The following CTNNA3 variants were observed in gnomAD, a reference collection of about 807,000 sequenced individuals.
CTNNA3 encodes catenin alpha 3.
Under a neutral mutation model 95.7 loss-of-function variants are expected in CTNNA3, and 76 were observed. The observed-to-expected ratio is 0.79, with a 90% CI of 0.66 to 0.96. CTNNA3 has a LOEUF of 0.96. Among genes scored for constraint, CTNNA3 ranks in the 40% least tolerant of loss-of-function variants. CTNNA3 has a pLI of 0.00. For missense variants in CTNNA3, 1,191 were observed against 1,089.8 expected (o/e 1.09, Z -1.31); for synonymous variants, 431 against 374.4 (o/e 1.15, Z -1.74).
chr10:67,553,942 G>C (rs779763514), intron 3 of CTNNA3, among the ~76,000 whole-genome samples: 5 of 152,006 alleles, frequency 3.3e-5, no homozygotes, highest in African/African-American at 1.2e-4. Flanking sequence ...CCAGTGTGTG[G>C]TGTTCCCCAC....
In CTNNA3 at chr10:67,178,579, A is replaced by C. The variant is rs560260000; in HGVS notation, c.1047+1738T>G. Among the ~76,000 whole-genome samples, 72 of 152,212 alleles carry C rather than the reference A, an allele frequency of 4.7e-4. 1 individual carries two copies. In the South Asian group the frequency reaches 0.015, roughly 31 times the overall value. ...TTAGGCCCCACAAATTACGTGGCCA[A>C]CCTTACCTATGTATGTGGGTAAGTG... On this transcript the variant is annotated intron_variant, in intron 7 of 17. Coordinates refer to ENST00000433211, the MANE Select transcript of CTNNA3 (RefSeq NM_013266.4).
chr10:66,921,958 G>A (rs1013598709), intron 7 of CTNNA3, among the ~76,000 whole-genome samples: 1 of 152,062 alleles, frequency 6.6e-6, no homozygotes, highest in African/African-American at 2.4e-5. Flanking sequence ...CAACTGTTAA[G>A]ATATCAGTCC....
At chr10:67,239,551 T>A (rs1204997934) in intron 5 of CTNNA3, among the ~76,000 whole-genome samples, 1 of 152,168 alleles carries the variant, frequency 6.6e-6, no homozygotes, top group Non-Finnish European at 1.5e-5. Flanking sequence ...CTATTTCTTG[T>A]CCTGGGTGCT....
At chr10:67,230,071 A>G (rs1005366093) in intron 5 of CTNNA3, among the ~76,000 whole-genome samples, 3 of 152,232 alleles carry the variant, frequency 2.0e-5, no homozygotes, top group Non-Finnish European at 4.4e-5. Flanking sequence ...ATTTCAAACT[A>G]TACTATAAGG....
intron 15 of CTNNA3, among the ~76,000 whole-genome samples, chr10:66,019,128 T>C (rs1194919416): frequency 1.3e-5 from 2 of 152,132 alleles, no homozygotes; most frequent in African/African-American, 2.4e-5. Context: ...TGCAGAGAAA[T>C]TGTGTCATAA....
chr10:67,568,157 T>G (rs1171948707), intron 3 of CTNNA3, among the ~76,000 whole-genome samples: 1 of 152,040 alleles, frequency 6.6e-6, no homozygotes, highest in Admixed American at 6.6e-5. Context: ...ACTTGTGTAT[T>G]TTTTCTATTT....
chr10:67,372,224 G>T (rs1005183253), intron 5 of CTNNA3, among the ~76,000 whole-genome samples: 3 of 152,100 alleles, frequency 2.0e-5, no homozygotes, highest in South Asian at 2.1e-4. Context: ...AGAAGCTCTT[G>T]AGTTTAATTA....
At chr10:66,815,132 G>A (rs1842027812) in intron 7 of CTNNA3, among the ~76,000 whole-genome samples, 1 of 151,980 alleles carries the variant, frequency 6.6e-6, no homozygotes, top group Admixed American at 6.6e-5. Flanking sequence ...CTTTAAAATG[G>A]TAGAATAAGA....
intron 13 of CTNNA3, among the ~76,000 whole-genome samples, chr10:66,231,747 G>A (rs1279550098): frequency 4.6e-5 from 7 of 152,034 alleles, no homozygotes; most frequent in Non-Finnish European, 2.9e-5. Flanking sequence ...AAACTAAATA[G>A]ACTAGCAATT....
chr10:66,924,564 C>T (rs1019783534), intron 7 of CTNNA3, among the ~76,000 whole-genome samples: 3 of 152,088 alleles, frequency 2.0e-5, no homozygotes, highest in East Asian at 3.9e-4. Context: ...GTTATCTCAT[C>T]AAAGAAGGCA....
At chr10:66,743,127 C>G (rs1358032843) in intron 9 of CTNNA3, among the ~76,000 whole-genome samples, 1 of 152,046 alleles carries the variant, frequency 6.6e-6, no homozygotes, top group East Asian at 1.9e-4. Flanking sequence ...ATCACAGGAG[C>G]ACCAACATGA....
chr10:66,469,660 T>A (rs1839056582), intron 11 of CTNNA3, among the ~76,000 whole-genome samples: 2 of 151,980 alleles, frequency 1.3e-5, no homozygotes, highest in South Asian at 4.1e-4. Flanking sequence ...GACACTGAAA[T>A]ACAGATAAGC....
intron 9 of CTNNA3, among the ~76,000 whole-genome samples, chr10:66,698,911 T>C (rs1847853543): frequency 6.6e-6 from 1 of 152,148 alleles, no homozygotes; most frequent in Non-Finnish European, 1.5e-5. Context: ...CTAACAAAAG[T>C]ATTATTATTC....
intron 9 of CTNNA3, among the ~76,000 whole-genome samples, chr10:66,693,378 T>C (rs1272542689): frequency 1.4e-5 from 2 of 146,064 alleles, no homozygotes; most frequent in Admixed American, 6.7e-5. Context: ...CATTACATAA[T>C]GGTAAAGGGA....
intron 7 of CTNNA3, among the ~76,000 whole-genome samples, chr10:67,131,579 TCA>T (rs1329653520): frequency 6.6e-6 from 1 of 152,114 alleles, no homozygotes; most frequent in African/African-American, 2.4e-5. Flanking sequence ...ATAAAATTAC[TCA>T]TTCTTCAGTA....
intron 7 of CTNNA3, among the ~76,000 whole-genome samples, chr10:67,001,321 AAG>A (rs1414143699): frequency 5.3e-5 from 8 of 151,178 alleles, no homozygotes; most frequent in East Asian, 3.9e-4. Context: ...AAGAAAAAAA[AAG>A]AGAAAAAAAT....
At chr10:67,025,219 C>G (rs759435819) in intron 7 of CTNNA3, among the ~76,000 whole-genome samples, 1 of 151,410 alleles carries the variant, frequency 6.6e-6, no homozygotes, top group Non-Finnish European at 1.5e-5. Context: ...GTATCACCCA[C>G]CAATTGGCAC....
intron 15 of CTNNA3, among the ~76,000 whole-genome samples, chr10:66,052,689 CAA>C (rs1171175353): frequency 6.6e-6 from 1 of 151,662 alleles, no homozygotes; most frequent in African/African-American, 2.4e-5. Context: ...AAACAAAGGA[CAA>C]AAAAAGTCTG....
intron 5 of CTNNA3, among the ~76,000 whole-genome samples, chr10:67,301,952 G>C (rs1411521718): frequency 6.9e-6 from 1 of 144,638 alleles, no homozygotes; most frequent in African/African-American, 2.8e-5. Flanking sequence ...CTGGGCGACA[G>C]AGCGAGACTC....
Sources: allele counts gnomAD v4.1 joint callset (sites outside exome capture counted in the v4.1 genomes callset), GRCh38; gene constraint gnomAD v4.1.1; transcripts MANE v1.5; gene names NCBI Gene and HGNC (gene_info 2026-07-23, HGNC 2026-07-21).